SEC31B: variants seen among roughly 807,000 people sequenced by gnomAD.
SEC31B encodes SEC31 homolog B, COPII component, also known as protein transport protein Sec31B.
Under a neutral mutation model 135.0 loss-of-function variants are expected in SEC31B, and 113 were observed. The observed-to-expected ratio is 0.84, with a 90% CI of 0.72 to 0.98. The LOEUF is 0.98. Ranked by LOEUF, SEC31B falls within the 50% of genes least tolerant of loss-of-function variation. The pLI is 0.00. For synonymous variants in SEC31B, 508 were observed against 549.4 expected (o/e 0.92, Z 1.05); for missense variants, 1,296 against 1,421.1 (o/e 0.91, Z 1.42).
intron 6 of SEC31B, 99 bp from the exon 7 acceptor site, chr10:100,507,666 C>T: frequency 6.7e-7 from 1 of 1,499,928 alleles, no homozygotes; most frequent in East Asian, 2.3e-5. Flanking sequence ...TCTTTTGTGA[C>T]TGGGAACACC....
At chr10:100,503,663 G>A (rs1031514755) in intron 10 of SEC31B, among the ~76,000 whole-genome samples, 2 of 151,530 alleles carry the variant, frequency 1.3e-5, no homozygotes, top group African/African-American at 2.4e-5. Flanking sequence ...CGAACTCCCC[G>A]ACCTCAGGTG....
In SEC31B at chr10:100,499,171, AG is replaced by A. The variant is rs762112989; in HGVS notation, c.1572del (p.Phe525SerfsTer28). 10 of 1,613,950 alleles carry A rather than the reference AG, an allele frequency of 6.2e-6. No homozygotes were observed. The highest frequency in any genetic ancestry group is 8.5e-6 in the Non-Finnish European group (10 of 1,179,882). On this transcript the variant is annotated frameshift_variant, in exon 13 of 26. Coordinates refer to ENST00000370345, the MANE Select transcript of SEC31B (RefSeq NM_015490.4). LOFTEE classifies it high-confidence loss of function. ...GACTCCTACCACACCTGGCTGCAGA[AG>A]GCCTGTTGTCTGTCACTGTTGAGGT... ...GNDLNSDRQQ[A>X]FCSQASKHTT...
chr10:100,489,865 T>A, intron 21 of SEC31B, 104 bp from the exon 22 acceptor site: 1 of 1,574,550 alleles, frequency 6.4e-7, no homozygotes, highest in Non-Finnish European at 8.6e-7. Context: ...TCACCATACC[T>A]CCCTCTGCAG....
chr10:100,497,338 C>A, intron 16 of SEC31B, 58 bp from the exon 17 acceptor site: 1 of 1,596,130 alleles, frequency 6.3e-7, no homozygotes, highest in Non-Finnish European at 8.6e-7. Context: ...CTCTCCTTCT[C>A]CTGTTTGGAA....
intron 3 of SEC31B, among the ~76,000 whole-genome samples, chr10:100,511,205 T>C (rs1851731685): frequency 6.6e-6 from 1 of 152,228 alleles, no homozygotes; most frequent in Admixed American, 6.5e-5. Context: ...TCTGTATGCA[T>C]ATAGAAAGCA....
intron 19 of SEC31B, among the ~76,000 whole-genome samples, chr10:100,491,240 A>G (rs1851295234): frequency 6.6e-6 from 1 of 152,230 alleles, no homozygotes; most frequent in Admixed American, 6.5e-5. Context: ...ATAGTCCTAT[A>G]ACCATTAAAG....
chr10:100,490,965 TAATG>T, intron 19 of SEC31B, 82 bp from the exon 20 acceptor site: 1 of 1,034,892 alleles, frequency 9.7e-7, no homozygotes, highest in East Asian at 2.9e-5. Flanking sequence ...TAGGGAAAAT[TAATG>T]AAACAAAAAC....
chr10:100,503,765 T>G (rs919704044), intron 10 of SEC31B, among the ~76,000 whole-genome samples: 1 of 151,800 alleles, frequency 6.6e-6, no homozygotes, highest in African/African-American at 2.4e-5. Context: ...TAATTTTTAC[T>G]TTAGGTTAAA....
intron 3 of SEC31B, 63 bp from the exon 4 acceptor site, chr10:100,509,574 G>A: frequency 4.4e-6 from 6 of 1,351,108 alleles, no homozygotes; most frequent in Admixed American, 2.5e-5. Context: ...CACAGGATGG[G>A]CATCTCTGTC....
rs146966591 is a variant in SEC31B at position 100,490,706 on chromosome 10, C to T, written c.2650G>A (p.Ala884Thr). 335 of 1,575,284 alleles carry T rather than the reference C, an allele frequency of 2.1e-4. No homozygotes were observed. Among genetic ancestry groups the T allele is most frequent in the Non-Finnish European group, 8.9e-5 (103 of 1,157,576 alleles). Residue 884 changes from alanine to threonine, a missense_variant and splice_region_variant, in exon 20 of 26, where the codon GCT becomes ACT. Ala to Thr is a moderately conservative substitution (Grantham distance 58). Transcript: ENST00000370345. ...PLPLSPGVRP[A>T]SSQPQLLGGQ... ...GATAGATCTTCAGTGACTCACTCAC[C>T]AGGCCTTACCCCAGGGCTCAAAGGC...
chr10:100,502,827 C>T (rs376414807), intron 10 of SEC31B, among the ~76,000 whole-genome samples: 4 of 152,192 alleles, frequency 2.6e-5, no homozygotes, highest in African/African-American at 9.7e-5. Context: ...ACGACAAAGT[C>T]CTACCTATTC....
rs777310905 is a variant in SEC31B at position 100,498,117 on chromosome 10, G to A, written c.1775C>T (p.Ala592Val). 3 of 1,614,154 alleles carry A rather than the reference G, an allele frequency of 1.9e-6. No homozygotes were observed. Among genetic ancestry groups the A allele is most frequent in the South Asian group, 1.1e-5 (1 of 91,082 alleles). The change falls in exon 15 of 26, where the codon GCC (alanine) becomes GTC (valine). Residue 592 changes from alanine to valine, a missense_variant. Ala to Val is a moderately conservative substitution (Grantham distance 64). Coordinates refer to ENST00000370345, the MANE Select transcript of SEC31B (RefSeq NM_015490.4). The part of the protein sequence containing the change: ...LCLKEERFAD[A>V]IILAQAGGTD... ...ACCCCCAGCCTGGGCCAGGATAATG[G>A]CATCAGCAAAGCGCTCCTCCTTCAG...
intron 15 of SEC31B, 100 bp downstream of exon 15, chr10:100,497,929 A>G: frequency 6.4e-7 from 1 of 1,574,438 alleles, no homozygotes; most frequent in Non-Finnish European, 8.7e-7. Flanking sequence ...AGAAAGAGAG[A>G]GGCAGGCAGA....
intron 11 of SEC31B, among the ~76,000 whole-genome samples, chr10:100,501,977 T>G (rs532516486): frequency 6.6e-6 from 1 of 152,372 alleles, no homozygotes; most frequent in East Asian, 1.9e-4. Context: ...TTGGCCCTGG[T>G]AAAATACCTA....
chr10:100,503,626 GTT>G (rs1432553486), intron 10 of SEC31B, among the ~76,000 whole-genome samples: 5 of 151,828 alleles, frequency 3.3e-5, no homozygotes, highest in African/African-American at 1.2e-4. Context: ...AGAGACAGGG[GTT>G]TCTCCATGTT....
intron 18 of SEC31B, 66 bp from the exon 19 acceptor site, chr10:100,495,612 C>A: frequency 1.4e-6 from 2 of 1,477,448 alleles, no homozygotes; most frequent in South Asian, 2.4e-5. Flanking sequence ...AGGTAGCAGT[C>A]AAATTTCAGC....
intron 11 of SEC31B, among the ~76,000 whole-genome samples, chr10:100,501,079 A>G (rs1269125962): frequency 7.0e-6 from 1 of 142,368 alleles, no homozygotes; most frequent in Admixed American, 7.0e-5. Flanking sequence ...AAAAAAAAAA[A>G]CCCTGTCTCT....
chr10:100,489,638 C>T, intron 22 of SEC31B, 65 bp downstream of exon 22: 1 of 1,609,770 alleles, frequency 6.2e-7, no homozygotes, highest in Non-Finnish European at 8.5e-7. Context: ...ACTGAATCCT[C>T]CAAGGAATTA....
rs1434648804 is a variant in SEC31B at position 100,506,180 on chromosome 10, G to A, written c.904C>T (p.Gln302Ter). The A allele has an allele frequency of 1.9e-6, 3 of 1,614,124 alleles. No homozygotes were observed. Among genetic ancestry groups the A allele is most frequent in the Non-Finnish European group, 2.5e-6 (3 of 1,180,042 alleles). Residue 302 changes from glutamine (Q) to a stop codon, truncating the protein, a stop_gained, in exon 9 of 26, where the codon CAG becomes TAG. Transcript: ENST00000370345. LOFTEE classifies it high-confidence loss of function. ...TGCACATCAAAGCACCAGCTGCTCT[G>A]TGTTGGTAGCTTATATACCACCTAA... The part of the protein sequence containing the change: ...SSEVVYKLPT[Q>*]SSWCFDVQWC...
Sources: allele counts gnomAD v4.1 joint callset (sites outside exome capture counted in the v4.1 genomes callset), GRCh38; gene constraint gnomAD v4.1.1; transcripts MANE v1.5; gene names NCBI Gene and HGNC (gene_info 2026-07-23, HGNC 2026-07-21).